The following CD177 variants were observed in gnomAD, a reference collection of about 807,000 sequenced individuals.
CD177 encodes the protein CD177 antigen.
Under a neutral mutation model 38.1 loss-of-function variants are expected in CD177, and 41 were observed. That is an observed-to-expected ratio of 1.07 (90% confidence interval 0.84 to 1.39). The LOEUF is 1.39. Among genes scored for constraint, CD177 ranks in the 40% most tolerant of loss-of-function variants. The pLI is 0.00. For missense variants in CD177, 619 were observed against 523.8 expected, an observed-to-expected ratio of 1.18 and a Z score of -1.77; for synonymous variants, 236 against 216.7, an observed-to-expected ratio of 1.09 and a Z score of -0.78.
At position 43,354,220 on chromosome 19, in the gene CD177, C is replaced by T. The variant is rs1164027386; in HGVS notation, c.207C>T (p.Ser69=). 2 of 1,613,060 alleles carry T rather than the reference C, an allele frequency of 1.2e-6. No individual in the cohort carries two copies. The highest frequency in any genetic ancestry group is 1.7e-6 in the Non-Finnish European group (2 of 1,179,610). Residue 69 remains serine (S), a synonymous_variant, in exon 3 of 9, where the codon AGC becomes AGT. Transcript: ENST00000618265. The part of the protein sequence containing the change: ...LMLIESGPQV[S]LVLSKGCTEA... Reference sequence around the variant, plus strand: ...CTTTCGGTCCAGGACCCCAAGTGAGCCTGGTGCTCTCCAAGGGCTGCACGG... The same window carrying T: ...CTTTCGGTCCAGGACCCCAAGTGAGTCTGGTGCTCTCCAAGGGCTGCACGG...
In CD177 at chr19:43,362,388, C is replaced by A; in HGVS notation, c.*68C>A. 5 of 677,580 alleles carry A rather than the reference C, an allele frequency of 7.4e-6. No homozygotes were observed. Among genetic ancestry groups the A allele is most frequent in the Non-Finnish European group, 1.3e-5 (5 of 399,796 alleles). 42.0% of individuals were successfully genotyped at this position (677,580 alleles called of 1,614,324 possible). On this transcript the variant is annotated 3_prime_UTR_variant, in exon 9 of 9. Transcript: ENST00000618265. The stretch of plus-strand genomic sequence containing the variant: ...ACTCAACCTCCCTCTGACCTCATAA[C>A]CTAATGGCCTTGGACACCAGATTCT...
At chr19:43,355,115 TTTTTTTTTTTTTTTC>T (rs1420021496) in intron 3 of CD177, among the ~76,000 whole-genome samples, 1 of 108,286 alleles carries the variant, frequency 9.2e-6, no homozygotes, top group East Asian at 2.6e-4. Flanking sequence ...TTTTTTTTTT[TTTTTTTTTTTTTTTC>T]TGAGAAAGCG....
downstream of CD177, among the ~76,000 whole-genome samples, chr19:43,364,132 G>C (rs896177996): frequency 6.6e-6 from 1 of 152,150 alleles, no homozygotes; most frequent in African/African-American, 2.4e-5. Flanking sequence ...CACAATTCCA[G>C]TCCTTCCCTC....
chr19:43,355,715 G>A lies in CD177; in HGVS notation c.434G>A (p.Gly145Glu). ...VCLSMEGCLE[G>E]TTEEICPKGT... is the part of the protein sequence containing the mutation. ...TTGTCTATGGAAGGCTGTCTGGAGG[G>A]GACAACAGAAGAGATCTGCCCCAAG... Residue 145 changes from glycine (G) to glutamate (E), a missense_variant, in exon 4 of 9, where the codon GGG becomes GAG. Transcript: ENST00000618265. 6.2e-7 allele frequency: 1 copy of A among 1,612,908 alleles called. No individual in the cohort carries two copies. The highest frequency in any genetic ancestry group is 8.5e-7 in the Non-Finnish European group (1 of 1,179,330).
rs1447723185 is a variant in CD177, at chr19:43,356,120, C to A, written c.619+12C>A. ...CTGCGATATGAAAGGTGAGTCCTGCCCCTAGGCTGTGCCCTGGACTGCAGC... is the reference window on the plus strand; with the variant it reads ...CTGCGATATGAAAGGTGAGTCCTGCACCTAGGCTGTGCCCTGGACTGCAGC... On this transcript the variant is annotated intron_variant, in intron 5 of 8. Transcript: ENST00000618265. 7 of 552,646 alleles carry A rather than the reference C, an allele frequency of 1.3e-5. No homozygotes were observed. Among genetic ancestry groups the A allele is most frequent in the African/African-American group, 2.9e-5 (1 of 34,630 alleles). The allele number at this position is 552,646 out of a possible 1,614,324, so 34.2% of individuals were successfully genotyped here.
Position 43,356,079 on chromosome 19 carries a change from T to A in CD177, c.590T>A (p.Val197Glu). The change falls in exon 5 of 9, where the codon GTG (valine) becomes GAG (glutamate). Residue 197 changes from valine (V) to glutamate (E), a missense_variant. Physicochemically the swap from Val to Glu is moderately radical, Grantham distance 121 (BLOSUM62 -2). Transcript: ENST00000618265. ...AATGGGACACAGGAAATTGGGCCCGTGGGTATGACTGAGAACTGCGATATG... is the reference window on the plus strand; with the variant it reads ...AATGGGACACAGGAAATTGGGCCCGAGGGTATGACTGAGAACTGCGATATG... ...LLNGTQEIGPVGMTENCDMKD... is the reference protein window; with the variant it reads ...LLNGTQEIGPEGMTENCDMKD... The A allele has an allele frequency of 1.6e-6, 1 of 637,514 alleles. No individual in the cohort carries two copies. Among genetic ancestry groups the A allele is most frequent in the Non-Finnish European group, 2.8e-6 (1 of 354,184 alleles). 39.5% of individuals were successfully genotyped at this position (637,514 alleles called of 1,614,324 possible). A position where few individuals can be genotyped will look rare whatever the true frequency, so the allele number is the denominator to read the frequency against.
rs1291126391 is a variant in CD177 at position 43,353,876 on chromosome 19, T to C, written c.76T>C (p.Phe26Leu). The change falls in exon 2 of 9, where the codon TTT becomes CTT. Residue 26 changes from phenylalanine (F) to leucine (L), a missense_variant. Transcript: ENST00000618265. ...LPGVQALLCQ[F>L]GTVQHVWKVS... ...AGGAGTGCAGGCGCTGCTCTGCCAG[T>C]TTGGGACAGTTCAGCATGTGTGGAA... 6.2e-7 allele frequency: 1 copy of C among 1,613,818 alleles called. No homozygotes were observed. Among genetic ancestry groups the C allele is most frequent in the African/African-American group, 1.3e-5 (1 of 74,980 alleles).
intron 8 of CD177, among the ~76,000 whole-genome samples, 171 bp from the exon 9 acceptor site, chr19:43,361,917 T>C (rs973957410): frequency 4.0e-5 from 5 of 126,318 alleles, no homozygotes; most frequent in Non-Finnish European, 8.5e-5. Flanking sequence ...CCTGGACTCC[T>C]GGGTCTGAGG....
rs756402380 is a variant in CD177 at position 43,355,749 on chromosome 19, A to G, written c.468A>G (p.Thr156=). 1.7e-5 allele frequency: 28 copies of G among 1,613,024 alleles called. 1 individual carries two copies. Among genetic ancestry groups the G allele is most frequent in the Non-Finnish European group, 2.2e-5 (26 of 1,179,446 alleles). The part of the protein sequence containing the change: ...TTEEICPKGT[T]HCYDGLLRLR... ...AAGAGATCTGCCCCAAGGGGACCAC[A>G]CACTGTTATGATGGCCTCCTCAGGC... Residue 156 remains threonine, a synonymous_variant, in exon 4 of 9, where the codon ACA becomes ACG. Coordinates refer to ENST00000618265, the MANE Select transcript of CD177 (RefSeq NM_020406.4).
At chr19:43,363,707 G>A (rs1245230030), downstream of CD177, among the ~76,000 whole-genome samples, 1 of 152,034 alleles carries the variant, frequency 6.6e-6, no homozygotes, top group African/African-American at 2.4e-5. Context: ...GGAGAAGAGA[G>A]CGAATCTGGA....
chr19:43,355,508 C>T (rs1342953807), intron 3 of CD177, 153 bp from the exon 4 acceptor site: 6 of 832,780 alleles, frequency 7.2e-6, no homozygotes, highest in Non-Finnish European at 1.2e-5. Context: ...TATTTTCCCA[C>T]ATCCAGATCC....
At chr19:43,362,067 G>T in intron 8 of CD177, 21 bp from the exon 9 acceptor site, 2 of 1,607,208 alleles carry the variant, frequency 1.2e-6, no homozygotes, top group Non-Finnish European at 1.7e-6. Context: ...TGTCCTTTCT[G>T]ACTTGGTCTT....
At position 43,361,346 on chromosome 19, in the gene CD177, G is replaced by A. The variant is rs751182685; in HGVS notation, c.946+18G>A. On this transcript the variant is annotated intron_variant, in intron 7 of 8. Transcript: ENST00000618265. ...TCCTCAAGGTATGGGATCCAGGGCCGTGGAGAAATGAGGCCCAGACACACA... is the reference window on the plus strand; with the variant it reads ...TCCTCAAGGTATGGGATCCAGGGCCATGGAGAAATGAGGCCCAGACACACA... 138 of 1,579,468 alleles carry A rather than the reference G, an allele frequency of 8.7e-5. No individual in the cohort carries two copies. In the East Asian group the frequency reaches 1.2e-3, roughly 14 times the overall value.
At chr19:43,363,249 G>A (rs182122873), downstream of CD177, 1 of 152,206 alleles carries the variant, frequency 6.6e-6, no homozygotes, top group East Asian at 1.9e-4. Flanking sequence ...TAATTGACAT[G>A]AGGGCTTGAG....
Position 43,353,749 on chromosome 19 carries a change from T to A in CD177, c.35T>A (p.Phe12Tyr), listed in dbSNP as rs200787547. The change falls in exon 1 of 9, where the codon TTC becomes TAC. Residue 12 changes from phenylalanine to tyrosine, a missense_variant. Coordinates refer to ENST00000618265, the MANE Select transcript of CD177 (RefSeq NM_020406.4). ...GTATTACTGCTGGCCCTCCTGGGGT[T>A]CATCCTCCCACTGCCAGGTGAGTGA... ...SAVLLLALLG[F>Y]ILPLPGVQAL... The A allele has an allele frequency of 1.9e-5, 30 of 1,613,810 alleles. No individual in the cohort carries two copies. Among genetic ancestry groups the A allele is most frequent in the Non-Finnish European group, 2.2e-5 (26 of 1,179,870 alleles).
intron 4 of CD177, 30 bp from the exon 5 acceptor site, chr19:43,355,962 C>G: frequency 1.5e-6 from 1 of 683,730 alleles, no homozygotes; most frequent in Non-Finnish European, 2.6e-6. Flanking sequence ...GGCAGCATCA[C>G]TGACTCTCCC....
At position 43,355,469 on chromosome 19, in the gene CD177, CCCTT is replaced by C. The variant is rs916351335; in HGVS notation, c.380-188_380-185del. On this transcript the variant is annotated intron_variant, in intron 3 of 8. Transcript: ENST00000618265. ...TCTACCCAGACCTCCTGTTCATTCT[CCCTT>C]CCTCTTTTATGGATTACACTTCTTT... is the stretch of plus-strand genomic sequence containing the variant. 29 of 641,028 alleles carry C rather than the reference CCCTT, an allele frequency of 4.5e-5. No individual in the cohort carries two copies. The African/African-American group carries it at 4.9e-4, about 11-fold the overall frequency. 39.7% of individuals were successfully genotyped at this position (641,028 alleles called of 1,614,324 possible).
At chr19:43,354,633 T>C in intron 3 of CD177, 1 of 596,248 alleles carries the variant, frequency 1.7e-6, no homozygotes, top group Admixed American at 2.9e-5. Flanking sequence ...CCTCCTCTTC[T>C]AAGAGCAAAC....
chr19:43,365,825 A>C (rs1337675798), downstream of CD177, among the ~76,000 whole-genome samples: 2 of 151,172 alleles, frequency 1.3e-5, no homozygotes, highest in African/African-American at 4.9e-5. Context: ...GGGCAGAAGG[A>C]CAGGTGCCAT....
Sources: gnomAD v4.1 joint callset for allele counts (sites outside exome capture counted in the v4.1 genomes callset) on GRCh38, gnomAD v4.1.1 for gene constraint, MANE v1.5 for transcripts, NCBI Gene and HGNC (gene_info 2026-07-23, HGNC 2026-07-21) for gene names.